FAF1: variants seen among roughly 807,000 people sequenced by gnomAD.
FAF1 encodes the protein FAS-associated factor 1.
A neutral mutation model predicts 92.5 loss-of-function variants in FAF1; 25 were observed. That is an observed-to-expected ratio of 0.27 (90% CI 0.20 to 0.38). FAF1 has a LOEUF of 0.38. Ranked by LOEUF, FAF1 falls within the 10% of genes least tolerant of loss-of-function variation. The pLI, the probability that FAF1 is intolerant of heterozygous loss-of-function variation, is 1.00. For synonymous variants in FAF1, 234 were observed against 273.2 expected (o/e 0.86, Z 1.42); for missense variants, 636 against 793.3 (o/e 0.80, Z 2.38).
chr1:50,797,274 A>T (rs1661788997), intron 3 of FAF1, among the ~76,000 whole-genome samples: 1 of 152,194 alleles, frequency 6.6e-6, no homozygotes, highest in Admixed American at 6.5e-5. Flanking sequence ...AAAAGAGTAA[A>T]TGTATTTTTA....
At chr1:50,750,619 TTTC>T (rs1269854018) in intron 4 of FAF1, among the ~76,000 whole-genome samples, 1 of 149,288 alleles carries the variant, frequency 6.7e-6, no homozygotes, top group Non-Finnish European at 1.5e-5. Context: ...TCCTTTTTCT[TTTC>T]TTTTTTTTTT....
chr1:50,797,110 T>C (rs912071601), intron 3 of FAF1, among the ~76,000 whole-genome samples: 2 of 151,992 alleles, frequency 1.3e-5, no homozygotes, highest in African/African-American at 4.8e-5. Flanking sequence ...CACTTCAGCC[T>C]GGGTGACAGA....
chr1:50,462,701 AG>A (rs1287220515), intron 18 of FAF1, among the ~76,000 whole-genome samples: 1 of 152,162 alleles, frequency 6.6e-6, no homozygotes, highest in Non-Finnish European at 1.5e-5. Flanking sequence ...GGCTATCTCT[AG>A]GGATTGTGCT....
At chr1:50,611,021 G>A (rs1652662061) in intron 8 of FAF1, among the ~76,000 whole-genome samples, 1 of 152,188 alleles carries the variant, frequency 6.6e-6, no homozygotes, top group South Asian at 2.1e-4. Flanking sequence ...TGCTATACAA[G>A]TGAACATTTC....
At position 50,511,271 on chromosome 1, in the gene FAF1, A is replaced by G. The variant is rs146219715; in HGVS notation, c.1495-19470T>C. Among the ~76,000 whole-genome samples the G allele has an allele frequency of 1.2e-4, 19 of 152,262 alleles. No individual in the cohort carries two copies. The East Asian group carries it at 3.3e-3, about 26-fold the overall frequency. On this transcript the variant is annotated intron_variant, in intron 15 of 18. Coordinates refer to ENST00000396153, the MANE Select transcript of FAF1 (RefSeq NM_007051.3). ...CTTTAAGTTCTGAGATTTTATTATTATACTTTAAGATCTGTGTAGAACGTG... is the reference window on the plus strand; with the variant it reads ...CTTTAAGTTCTGAGATTTTATTATTGTACTTTAAGATCTGTGTAGAACGTG...
intron 3 of FAF1, among the ~76,000 whole-genome samples, chr1:50,788,664 G>A (rs1364226857): frequency 6.6e-6 from 1 of 151,966 alleles, no homozygotes; most frequent in Non-Finnish European, 1.5e-5. Flanking sequence ...AGTGTTAAAA[G>A]GTATCTTTTT....
intron 7 of FAF1, among the ~76,000 whole-genome samples, chr1:50,665,231 T>C (rs566545618): frequency 2.4e-4 from 37 of 152,346 alleles, no homozygotes; most frequent in Non-Finnish European, 4.1e-4. Context: ...TATATAACAC[T>C]TTAAAGATTG....
chr1:50,614,637 C>T lies in FAF1; in HGVS notation c.745-18421G>A, dbSNP rs151309226. Among the ~76,000 whole-genome samples, 1,181 of 152,006 alleles carry T rather than the reference C, an allele frequency of 7.8e-3. 14 individuals carry two copies. Among genetic ancestry groups the T allele is most frequent in the African/African-American group, 0.027 (1,137 of 41,446 alleles). On this transcript the variant is annotated intron_variant, in intron 8 of 18. Coordinates refer to ENST00000396153, the MANE Select transcript of FAF1 (RefSeq NM_007051.3). ...GGCGGATTACCTAAGGTCAGGAGTTCGAGACCAGTCTGACCAACATGGAGA... is the reference window on the plus strand; with the variant it reads ...GGCGGATTACCTAAGGTCAGGAGTTTGAGACCAGTCTGACCAACATGGAGA...
intron 1 of FAF1, among the ~76,000 whole-genome samples, chr1:50,871,226 C>T (rs559960097): frequency 6.6e-6 from 1 of 152,330 alleles, no homozygotes; most frequent in African/African-American, 2.4e-5. Context: ...GGAAGGAAGT[C>T]ATCTCCATAA....
intron 6 of FAF1, among the ~76,000 whole-genome samples, chr1:50,707,602 G>A (rs1286924912): frequency 1.3e-5 from 2 of 151,568 alleles, no homozygotes; most frequent in African/African-American, 2.4e-5. Context: ...GCTGAGGCAG[G>A]AGAATCACTT....
At chr1:50,844,031 C>A (rs935004590) in intron 2 of FAF1, among the ~76,000 whole-genome samples, 2 of 152,160 alleles carry the variant, frequency 1.3e-5, no homozygotes, top group African/African-American at 4.8e-5. Flanking sequence ...TCTGCATCCA[C>A]CAGCATTTGT....
chr1:50,536,738 C>T (rs1484175274), intron 14 of FAF1, among the ~76,000 whole-genome samples: 1 of 151,730 alleles, frequency 6.6e-6, no homozygotes, highest in African/African-American at 2.4e-5. Context: ...TAATCTAGTA[C>T]CTGGAAATTG....
At chr1:50,623,536 T>C (rs949588817) in intron 8 of FAF1, among the ~76,000 whole-genome samples, 2 of 150,440 alleles carry the variant, frequency 1.3e-5, no homozygotes, top group African/African-American at 4.9e-5. Context: ...ATCGTGCCAC[T>C]TGCACTCCAG....
intron 9 of FAF1, among the ~76,000 whole-genome samples, chr1:50,590,914 G>A (rs567891266): frequency 6.6e-6 from 1 of 151,758 alleles, no homozygotes; most frequent in Non-Finnish European, 1.5e-5. Flanking sequence ...CCCAGGAGGC[G>A]GAGGTTGCAG....
intron 8 of FAF1, among the ~76,000 whole-genome samples, chr1:50,623,999 GAAGAAGAAGA>G (rs1012699893): frequency 6.7e-6 from 1 of 150,032 alleles, no homozygotes; most frequent in African/African-American, 2.5e-5. Context: ...GAAGAAGAAG[GAAGAAGAAGA>G]AAGAAGAAGA....
intron 8 of FAF1, among the ~76,000 whole-genome samples, chr1:50,596,722 C>T (rs1467241791): frequency 6.6e-6 from 1 of 152,166 alleles, no homozygotes; most frequent in East Asian, 1.9e-4. Context: ...TCTCCTATTA[C>T]AGGGTGCTTC....
At chr1:50,671,882 CT>C (rs1325459143) in intron 7 of FAF1, among the ~76,000 whole-genome samples, 2 of 151,874 alleles carry the variant, frequency 1.3e-5, no homozygotes, top group Non-Finnish European at 2.9e-5. Context: ...ATCAAAGTCA[CT>C]GCAACCTCAA....
intron 1 of FAF1, among the ~76,000 whole-genome samples, chr1:50,897,005 A>G (rs1274121463): frequency 6.6e-6 from 1 of 152,232 alleles, no homozygotes; most frequent in African/African-American, 2.4e-5. Context: ...GCTTTCCTAC[A>G]TACCAGCAAT....
At chr1:50,724,318 C>CACACAT (rs1658555805) in intron 6 of FAF1, among the ~76,000 whole-genome samples, 2 of 150,376 alleles carry the variant, frequency 1.3e-5, no homozygotes, top group South Asian at 4.2e-4. Flanking sequence ...CACACACACA[C>CACACAT]ACACACACAC....
Sources: gnomAD v4.1 joint callset for allele counts (sites outside exome capture counted in the v4.1 genomes callset) on GRCh38, gnomAD v4.1.1 for gene constraint, MANE v1.5 for transcripts, NCBI Gene and HGNC (gene_info 2026-07-23, HGNC 2026-07-21) for gene names.